Variants in SLC39A14 observed in about 807,000 individuals in gnomAD.
The protein encoded by SLC39A14 is metal cation symporter ZIP14.
In SLC39A14, 19 loss-of-function variants were observed where a neutral mutation model predicts 45.5. The ratio of observed to expected loss-of-function variants is 0.42; its 90% CI spans 0.29 to 0.61. The LOEUF is 0.61. SLC39A14 is among the 20% of genes least tolerant of loss of function. The pLI is 0.22. For missense variants in SLC39A14, 447 were observed against 616.5 expected (o/e 0.73, Z 2.91); for synonymous variants, 264 against 251.3 (o/e 1.05, Z -0.48).
At chr8:22,385,089 C>A (rs1833721433) in intron 1 of SLC39A14, among the ~76,000 whole-genome samples, 2 of 152,044 alleles carry the variant, frequency 1.3e-5, no homozygotes, top group Admixed American at 1.3e-4. Flanking sequence ...AACAAACAAA[C>A]AAAAAAACTC....
chr8:22,421,906 TCCATAGACAG>T lies in SLC39A14; in HGVS notation c.*2210_*2219del. ...CCTATATTACCTTAAGAAATTTCCT[TCCATAGACAG>T]CTGCCTCAAAGGGAAATCCTCTTTA... On this transcript the variant is annotated 3_prime_UTR_variant, in exon 9 of 9. Transcript: ENST00000381237. 1.0e-6 allele frequency: 1 copy of T among 985,422 alleles called. No individual in the cohort carries two copies. The highest frequency in any genetic ancestry group is 4.7e-5 in the South Asian group (1 of 21,292). The allele number at this position is 985,422 out of a possible 1,614,324, so 61.0% of individuals were successfully genotyped here. A position where few individuals can be genotyped will look rare whatever the true frequency, so the allele number is the denominator to read the frequency against.
chr8:22,399,004 C>T (rs1423653980), intron 1 of SLC39A14, among the ~76,000 whole-genome samples: 1 of 152,234 alleles, frequency 6.6e-6, no homozygotes, highest in Non-Finnish European at 1.5e-5. Context: ...GGCAGAGAGA[C>T]TCCAGCCCCT....
intron 4 of SLC39A14, among the ~76,000 whole-genome samples, chr8:22,413,626 A>G (rs907640992): frequency 2.0e-5 from 3 of 152,210 alleles, no homozygotes; most frequent in Admixed American, 6.5e-5. Context: ...GTTGGGATCA[A>G]CTTTTATTTT....
At chr8:22,415,406 C>T (rs61004920) in intron 5 of SLC39A14, 19,470 of 218,372 alleles carry the variant, frequency 0.089, 3,458 homozygotes, top group African/African-American at 0.39. Context: ...GCATGTACCC[C>T]GAGGAGACAG....
rs1320555986 is a variant in SLC39A14, at chr8:22,415,944, C to T, written c.926C>T (p.Ser309Leu). Residue 309 changes from serine to leucine, a missense_variant, in exon 6 of 9, where the codon TCG (serine) becomes TTG (leucine). By Grantham distance (145) the Ser-to-Leu change is moderately radical. Around this residue, in one of 2 missense-constraint regions of SLC39A14, gnomAD observed 342 missense variants for 428.1 expected, o/e 0.80. Coordinates refer to ENST00000381237, the MANE Select transcript of SLC39A14 (RefSeq NM_001128431.4). ...PMVDEKVIVG[S>L]LSVQDLQASQ... ...GTGGACGAGAAGGTCATTGTGGGCT[C>T]GCTCTCTGTGCAGGTCAGTGGGCCA... is the stretch of plus-strand genomic sequence containing the variant. The T allele has an allele frequency of 1.9e-6, 3 of 1,605,358 alleles. No individual in the cohort carries two copies. The highest frequency in any genetic ancestry group is 1.7e-5 in the Admixed American group (1 of 58,808).
intron 3 of SLC39A14, among the ~76,000 whole-genome samples, chr8:22,409,379 T>G (rs1219369768): frequency 1.4e-5 from 2 of 139,352 alleles, no homozygotes; most frequent in African/African-American, 5.1e-5. Flanking sequence ...GCTTTTTTTG[T>G]TTTTTTTGTT....
chr8:22,424,574 C>T (rs1836350871), downstream of SLC39A14, among the ~76,000 whole-genome samples: 1 of 152,190 alleles, frequency 6.6e-6, no homozygotes, highest in South Asian at 2.1e-4. Flanking sequence ...TTTCTGCCTA[C>T]AGTCCCTCCT....
chr8:22,413,799 C>G (rs1175505463), intron 4 of SLC39A14, among the ~76,000 whole-genome samples: 1 of 152,008 alleles, frequency 6.6e-6, no homozygotes, highest in Non-Finnish European at 1.5e-5. Context: ...GTTTTTGAGA[C>G]AGTCTCACTC....
chr8:22,408,225 TGGGAAGG>T, intron 2 of SLC39A14, 78 bp from the exon 3 acceptor site: 1 of 1,224,664 alleles, frequency 8.2e-7, no homozygotes, highest in Admixed American at 2.2e-5. Flanking sequence ...CTTTTTCCTC[TGGGAAGG>T]CTGAGTAGGT....
intron 1 of SLC39A14, among the ~76,000 whole-genome samples, chr8:22,371,427 T>TC (rs1302829489): frequency 4.4e-5 from 1 of 22,660 alleles, no homozygotes; most frequent in Admixed American, 4.1e-4. Flanking sequence ...TTTTTTTTTT[T>TC]TTTTTTTTTT....
intron 1 of SLC39A14, among the ~76,000 whole-genome samples, chr8:22,404,038 G>C (rs1835046570): frequency 6.6e-6 from 1 of 152,170 alleles, no homozygotes. Flanking sequence ...ACACCCGTGT[G>C]CTCATACCCC....
At chr8:22,406,607 G>T (rs570122095) in intron 2 of SLC39A14, among the ~76,000 whole-genome samples, 1 of 152,296 alleles carries the variant, frequency 6.6e-6, no homozygotes, top group African/African-American at 2.4e-5. Flanking sequence ...CAGGAGAATT[G>T]CTTGAGCCCA....
chr8:22,412,399 A>C (rs539240822), intron 4 of SLC39A14, among the ~76,000 whole-genome samples, 193 bp downstream of exon 4: 1 of 152,258 alleles, frequency 6.6e-6, no homozygotes, highest in Non-Finnish European at 1.5e-5. Flanking sequence ...CAGCTCTGCT[A>C]TCAGTAGGTT....
intron 1 of SLC39A14, chr8:22,390,701 T>A (rs1420270323): frequency 6.5e-6 from 1 of 153,872 alleles, no homozygotes; most frequent in African/African-American, 2.4e-5. Flanking sequence ...AAAGGCTTTT[T>A]AAAATTTTTA....
chr8:22,406,814 G>A (rs879359250), intron 2 of SLC39A14, among the ~76,000 whole-genome samples: 6 of 152,152 alleles, frequency 3.9e-5, no homozygotes, highest in Non-Finnish European at 8.8e-5. Context: ...ATGCAGCTGC[G>A]TGAGCCTCAG....
At chr8:22,369,043 C>T (rs1832796541) in intron 1 of SLC39A14, among the ~76,000 whole-genome samples, 1 of 152,174 alleles carries the variant, frequency 6.6e-6, no homozygotes, top group Non-Finnish European at 1.5e-5. Context: ...TTAAAAGCCA[C>T]ATGTTCCTTT....
chr8:22,413,435 T>C (rs945448966), intron 4 of SLC39A14, among the ~76,000 whole-genome samples: 2 of 152,210 alleles, frequency 1.3e-5, no homozygotes, highest in African/African-American at 4.8e-5. Context: ...GATTCTGTAT[T>C]CACCATCCTT....
chr8:22,417,578 AC>A, intron 7 of SLC39A14, 72 bp from the exon 8 acceptor site: 1 of 1,272,426 alleles, frequency 7.9e-7, no homozygotes, highest in Non-Finnish European at 1.1e-6. Context: ...AGCTGGGATG[AC>A]AGGTGTGCAT....
chr8:22,374,621 A>G (rs1433877688), intron 1 of SLC39A14, among the ~76,000 whole-genome samples: 4 of 151,824 alleles, frequency 2.6e-5, no homozygotes, highest in Admixed American at 2.6e-4. Context: ...CGTTGGGTCT[A>G]GGAGTCTTGA....
Sources: allele counts gnomAD v4.1 joint callset (sites outside exome capture counted in the v4.1 genomes callset), GRCh38; gene constraint gnomAD v4.1.1; regional missense constraint gnomAD v4.1.1; transcripts MANE v1.5; gene names NCBI Gene and HGNC (gene_info 2026-07-23, HGNC 2026-07-21).